The following ABCA2 variants were observed in gnomAD, a reference collection of about 807,000 sequenced individuals.
ABCA2 encodes the protein ATP-binding cassette sub-family A member 2.
Under a neutral mutation model 262.8 loss-of-function variants are expected in ABCA2, and 84 were observed. That is an observed-to-expected ratio of 0.32 (90% confidence interval 0.27 to 0.38). ABCA2 has a LOEUF of 0.38. Among genes scored for constraint, ABCA2 ranks in the 10% least tolerant of loss-of-function variants. The probability of loss-of-function intolerance (pLI) is 1.00; values close to 1 mark genes in which losing one functional copy is unlikely to be tolerated. For missense variants in ABCA2, 2,662 were observed against 3,405.9 expected (o/e 0.78, Z 5.44); for synonymous variants, 1,696 against 1,502.9 (o/e 1.13, Z -2.97).
In ABCA2 at chr9:137,012,703, C is replaced by G. The variant is rs1040193651; in HGVS notation, c.5081+9G>C. ...CCACCCTCACCCACAGCCTCCCCAC[C>G]CAGCTCACCGGTGCAGTCGGAAGCG... On this transcript the variant is annotated intron_variant, in intron 31 of 48. Transcript: ENST00000341511. 2 of 1,612,134 alleles carry G rather than the reference C, an allele frequency of 1.2e-6. No individual in the cohort carries two copies. Among genetic ancestry groups the G allele is most frequent in the African/African-American group, 2.7e-5 (2 of 75,044 alleles).
At chr9:137,028,350 C>T, upstream of ABCA2, 1 of 863,964 alleles carries the variant, frequency 1.2e-6, no homozygotes, top group Non-Finnish European at 1.4e-6. This position sits in a 1 kb window ranked among gnomAD's most constrained non-coding sequence, Gnocchi z 6.9. Flanking sequence ...AGGCGCCGCG[C>T]TCCGTCCGCG....
At position 137,014,795 on chromosome 9, in the gene ABCA2, G is replaced by C. The variant is rs1831195984; in HGVS notation, c.3898C>G (p.Leu1300Val). The part of the protein sequence containing the change: ...ERLFQHLERS[L>V]DALHLSSFGL... ...AAGCTGCTGAGGTGCAGTGCATCCA[G>C]GCTGCGCTCCAGGTGCTGCAGGGGC... Residue 1300 changes from leucine (L) to valine (V), a missense_variant, in exon 26 of 49, where the codon CTG becomes GTG. Physicochemically the swap from Leu to Val is conservative, Grantham distance 32. Transcript: ENST00000341511. 1 of 1,600,856 alleles carries C rather than the reference G, an allele frequency of 6.2e-7. No individual in the cohort carries two copies. The highest frequency in any genetic ancestry group is 8.5e-7 in the Non-Finnish European group (1 of 1,174,990).
chr9:137,009,297 C>T, intron 45 of ABCA2, 73 bp downstream of exon 45: 1 of 1,367,478 alleles, frequency 7.3e-7, no homozygotes, highest in Non-Finnish European at 9.8e-7. Flanking sequence ...CAGCCACCCC[C>T]ACTCCTGGCC....
At chr9:137,016,887 C>A (rs1395078409) in intron 19 of ABCA2, 33 bp downstream of exon 19, 4 of 1,603,808 alleles carry the variant, frequency 2.5e-6, no homozygotes, top group Non-Finnish European at 3.4e-6. Context: ...GGGACCCCTG[C>A]CTCTCCCCTG....
At position 137,021,059 on chromosome 9, in the gene ABCA2, C is replaced by T; in HGVS notation, c.900G>A (p.Leu300=). ...CCGAGCCGTTGGGGGCATCCAGGCC[C>T]AGCTGAGGGGAAACAGGCACGTGGG... The part of the protein sequence containing the change: ...QLDVAKVSQQ[L]GLDAPNGSDS... Residue 300 remains leucine (L), a splice_region_variant and synonymous_variant, in exon 9 of 49, where the codon CTG becomes CTA. Transcript: ENST00000341511. This position sits in a 1 kb window ranked among gnomAD's most constrained non-coding sequence, Gnocchi z 6.0. 6.8e-7 allele frequency: 1 copy of T among 1,476,292 alleles called. No individual in the cohort carries two copies. The highest frequency in any genetic ancestry group is 9.0e-7 in the Non-Finnish European group (1 of 1,111,640). The allele number at this position is 1,476,292 out of a possible 1,614,324, so 91.4% of individuals were successfully genotyped here.
Position 137,007,665 on chromosome 9 carries a change from G to A in ABCA2, c.*264C>T. 1 of 562,414 alleles carries A rather than the reference G, an allele frequency of 1.8e-6. No individual in the cohort carries two copies. The highest frequency in any genetic ancestry group is 3.2e-6 in the Non-Finnish European group (1 of 314,778). 34.8% of individuals were successfully genotyped at this position (562,414 alleles called of 1,614,324 possible). A position where few individuals can be genotyped will look rare whatever the true frequency, so the allele number is the denominator to read the frequency against. ...GTGCCAGGCAGGGGCGAGGGGCCGGGCAGACCCCGAGGCTTTAAGGCAAAG... is the reference window on the plus strand; with the variant it reads ...GTGCCAGGCAGGGGCGAGGGGCCGGACAGACCCCGAGGCTTTAAGGCAAAG... On this transcript the variant is annotated 3_prime_UTR_variant, in exon 49 of 49. Transcript: ENST00000341511.
chr9:137,018,315 G>C lies in ABCA2; in HGVS notation c.1856C>G (p.Pro619Arg). Reference sequence around the variant, plus strand: ...GCGGATCTTGTAGTGCACGTGAGGCGGGAGCGAGCCGTCCTTCCGGGTCTG... The same window carrying C: ...GCGGATCTTGTAGTGCACGTGAGGCCGGAGCGAGCCGTCCTTCCGGGTCTG... The part of the protein sequence containing the change: ...IFQTRKDGSL[P>R]PHVHYKIRQN... Residue 619 changes from proline to arginine, a missense_variant, in exon 14 of 49, where the codon CCG becomes CGG. Around this residue, in one of 12 missense-constraint regions of ABCA2, gnomAD observed 187 missense variants for 205.9 expected, o/e 0.91. Coordinates refer to ENST00000341511, the MANE Select transcript of ABCA2 (RefSeq NM_001606.5). The C allele has an allele frequency of 6.2e-7, 1 of 1,605,772 alleles. No individual in the cohort carries two copies.
In ABCA2 at chr9:137,022,977, C is replaced by T. The variant is rs951857011; in HGVS notation, c.239G>A (p.Arg80Gln). 22 of 1,590,258 alleles carry T rather than the reference C, an allele frequency of 1.4e-5. No homozygotes were observed. The highest frequency in any genetic ancestry group is 1.3e-5 in the African/African-American group (1 of 74,506). Residue 80 changes from arginine (R) to glutamine (Q), a missense_variant, in exon 4 of 49, where the codon CGA (arginine) becomes CAA (glutamine). Physicochemically the swap from Arg to Gln is conservative, Grantham distance 43. Transcript: ENST00000341511. Reference sequence around the variant, plus strand: ...GTACTGCAGGAAGCCGAACTCGTCTCGCTGGCCGTCCGGGCACAGCGATTG... The same window carrying T: ...GTACTGCAGGAAGCCGAACTCGTCTTGCTGGCCGTCCGGGCACAGCGATTG... ...VMQSLCPDGQRDEFGFLQYAN... is the reference protein window; with the variant it reads ...VMQSLCPDGQQDEFGFLQYAN...
rs1275190638 is a variant in ABCA2, at chr9:137,018,764, A to G, written c.1774T>C (p.Tyr592His). 6.2e-7 allele frequency: 1 copy of G among 1,612,202 alleles called. No homozygotes were observed. Among genetic ancestry groups the G allele is most frequent in the Non-Finnish European group, 8.5e-7 (1 of 1,179,750 alleles). ...TCCTGGTAGGCCTGGTTGAGGGTGT[A>G]GTTGACAATGCTCTCCTCGTCGGGG... ...GFPDEESIVN[Y>H]TLNQAYQDNV... The change falls in exon 13 of 49, where the codon TAC becomes CAC. Residue 592 changes from tyrosine to histidine, a missense_variant. By Grantham distance (83) the Tyr-to-His change is moderately conservative. This residue lies in a region of ABCA2 where 187 missense variants were observed against 205.9 expected (regional missense o/e 0.91). Coordinates refer to ENST00000341511, the MANE Select transcript of ABCA2 (RefSeq NM_001606.5).
chr9:137,019,110 G>A lies in ABCA2; in HGVS notation c.1555-40C>T, dbSNP rs572040319. On this transcript the variant is annotated intron_variant, in intron 11 of 48. Coordinates refer to ENST00000341511, the MANE Select transcript of ABCA2 (RefSeq NM_001606.5). This position sits in a 1 kb window ranked among gnomAD's most constrained non-coding sequence, Gnocchi z 4.4. The stretch of plus-strand genomic sequence containing the variant: ...GCGGCTCAGAGGGGGACCTGCGCCT[G>A]CCGAGCCGGGCAGAGAGGGGCTCCC... 8.4e-5 allele frequency: 134 copies of A among 1,601,720 alleles called. 3 individuals are homozygous for A. In the South Asian group the frequency reaches 1.4e-3, roughly 17 times the overall value.
At position 137,016,144 on chromosome 9, in the gene ABCA2, C is replaced by T. The variant is rs760622593; in HGVS notation, c.3135G>A (p.Thr1045=). Residue 1045 remains threonine, a synonymous_variant, in exon 22 of 49, where the codon ACG becomes ACA. Transcript: ENST00000341511. ...GCCCGTAGATGGTGGCGGAACCCGA[C>T]GTTGGAGGGAACAGGCCGGTCAGGA... is the stretch of plus-strand genomic sequence containing the variant. ...MSILTGLFPP[T]SGSATIYGHD... is the part of the protein sequence containing the mutation. 9.3e-6 allele frequency: 15 copies of T among 1,612,736 alleles called. No homozygotes were observed. Among genetic ancestry groups the T allele is most frequent in the South Asian group, 3.3e-5 (3 of 91,094 alleles).
chr9:137,008,043 C>T (rs1588503561), intron 48 of ABCA2, 79 bp from the exon 49 acceptor site: 2 of 1,528,090 alleles, frequency 1.3e-6, no homozygotes, highest in Non-Finnish European at 1.8e-6. Flanking sequence ...TGCTGGCCCG[C>T]CCCGGCCCTC....
Position 137,023,740 on chromosome 9 carries a change from T to C in ABCA2, c.163+98A>G, listed in dbSNP as rs1342248826. On this transcript the variant is annotated intron_variant, in intron 3 of 48. Coordinates refer to ENST00000341511, the MANE Select transcript of ABCA2 (RefSeq NM_001606.5). ...AGGCCGGCAGGGGGCCCGGGAGGGC[T>C]GTTAATGCAAGCGGGGAGGGCGCTC... 8 of 713,734 alleles carry C rather than the reference T, an allele frequency of 1.1e-5. No individual in the cohort carries two copies. The Admixed American group carries it at 1.6e-4, about 14-fold the overall frequency. The allele number at this position is 713,734 out of a possible 1,614,324, so 44.2% of individuals were successfully genotyped here. A position where few individuals can be genotyped will look rare whatever the true frequency, so the allele number is the denominator to read the frequency against.
At position 137,008,616 on chromosome 9, in the gene ABCA2, C is replaced by T. The variant is rs1283555204; in HGVS notation, c.7075G>A (p.Val2359Met). ...TCACTCTGCTTCTTGGCAAAGTTCACGAACACCTGGTGGGTGGCGCAGGCG... is the reference window on the plus strand; with the variant it reads ...TCACTCTGCTTCTTGGCAAAGTTCATGAACACCTGGTGGGTGGCGCAGGCG... ...VSQTTLDNVF[V>M]NFAKKQSDNL... is the part of the protein sequence containing the mutation. The change falls in exon 48 of 49, where the codon GTG becomes ATG. Residue 2359 changes from valine to methionine, a missense_variant. Physicochemically the swap from Val to Met is conservative, Grantham distance 21. Coordinates refer to ENST00000341511, the MANE Select transcript of ABCA2 (RefSeq NM_001606.5). 10 of 1,606,488 alleles carry T rather than the reference C, an allele frequency of 6.2e-6. No homozygotes were observed. The highest frequency in any genetic ancestry group is 2.2e-5 in the East Asian group (1 of 44,682).
In ABCA2 at chr9:137,012,904, G is replaced by C. The variant is rs770875670; in HGVS notation, c.4889C>G (p.Ser1630Cys). Residue 1630 changes from serine (S) to cysteine (C), a missense_variant, in exon 31 of 49, where the codon TCC (serine) becomes TGC (cysteine). Physicochemically the swap from Ser to Cys is moderately radical, Grantham distance 112. This residue lies in a region of ABCA2 where 192 missense variants were observed against 207.2 expected (regional missense o/e 0.93). Transcript: ENST00000341511. ...AGPEMWTSAP[S>C]LPRLVREPVR... ...GGGCTCCCGTACCAGGCGCGGCAGGGAGGGTGCCGACGTCCACATTTCTGT... is the reference window on the plus strand; with the variant it reads ...GGGCTCCCGTACCAGGCGCGGCAGGCAGGGTGCCGACGTCCACATTTCTGT... 1 of 1,541,582 alleles carries C rather than the reference G, an allele frequency of 6.5e-7. No individual in the cohort carries two copies. Among genetic ancestry groups the C allele is most frequent in the African/African-American group, 1.4e-5 (1 of 73,442 alleles).
chr9:137,014,495 C>T, intron 26 of ABCA2, 91 bp from the exon 27 acceptor site: 1 of 1,466,838 alleles, frequency 6.8e-7, no homozygotes, highest in Non-Finnish European at 9.2e-7. Context: ...CCCCAGTTCC[C>T]AGGCTCATAC....
intron 1 of ABCA2, 45 bp from the exon 2 acceptor site, chr9:137,024,281 G>C: frequency 6.7e-7 from 1 of 1,503,462 alleles, no homozygotes; most frequent in Non-Finnish European, 9.0e-7. Context: ...ACCTGTGCTC[G>C]CCTAGGCCCT....
intron 6 of ABCA2, 71 bp downstream of exon 6, chr9:137,022,280 T>A: frequency 2.0e-6 from 3 of 1,479,748 alleles, no homozygotes; most frequent in Non-Finnish European, 2.7e-6. Flanking sequence ...ATCCTGAGGA[T>A]GGCTCAGCAA....
At position 137,014,094 on chromosome 9, in the gene ABCA2, G is replaced by A. The variant is rs1259590746; in HGVS notation, c.4241-56C>T. On this transcript the variant is annotated intron_variant, in intron 27 of 48. Coordinates refer to ENST00000341511, the MANE Select transcript of ABCA2 (RefSeq NM_001606.5). The stretch of plus-strand genomic sequence containing the variant: ...GTTGCACGCTACCCTCTCCCTACTG[G>A]CTGCCCTCATGCCGCTCCCCCGCAA... 13 of 1,593,786 alleles carry A rather than the reference G, an allele frequency of 8.2e-6. No homozygotes were observed. In the Admixed American group the frequency reaches 2.1e-4, roughly 25 times the overall value.
Sources: allele counts gnomAD v4.1 joint callset, GRCh38; gene constraint gnomAD v4.1.1; regional missense constraint gnomAD v4.1.1; non-coding constraint Gnocchi (gnomAD v3.1); transcripts MANE v1.5; gene names NCBI Gene and HGNC (gene_info 2026-07-23, HGNC 2026-07-21).